HECA: variants seen among roughly 807,000 people sequenced by gnomAD.
HECA encodes the protein HECA ribonucleoprotein granule regulator.
Under a neutral mutation model 37.6 loss-of-function variants are expected in HECA, and 13 were observed. The observed-to-expected ratio is 0.35, with a 90% CI of 0.23 to 0.55. The LOEUF (loss-of-function observed/expected upper bound fraction) is 0.55. Among genes scored for constraint, HECA ranks in the 20% least tolerant of loss-of-function variants. The pLI is 0.90. For synonymous variants in HECA, 307 were observed against 291.5 expected, an observed-to-expected ratio of 1.05 and a Z score of -0.54; for missense variants, 527 against 701.9, an observed-to-expected ratio of 0.75 and a Z score of 2.82.
chr6:139,139,440 C>T (rs535450216), intron 1 of HECA, among the ~76,000 whole-genome samples: 1 of 152,272 alleles, frequency 6.6e-6, no homozygotes, highest in Admixed American at 6.5e-5. Flanking sequence ...CTTACAGTAC[C>T]AGCTTACGAA....
intron 1 of HECA, among the ~76,000 whole-genome samples, chr6:139,147,125 C>G (rs2114443127): frequency 6.6e-6 from 1 of 152,262 alleles, no homozygotes. Context: ...TCCCTTCTTG[C>G]AGAAAAGGCT....
At position 139,167,305 on chromosome 6, in the gene HECA, T is replaced by C; in HGVS notation, c.1293T>C (p.Asp431=). The change falls in exon 2 of 4, where the codon GAT becomes GAC. Residue 431 remains aspartate, a synonymous_variant. Coordinates refer to ENST00000367658, the MANE Select transcript of HECA (RefSeq NM_016217.3). The stretch of plus-strand genomic sequence containing the variant: ...CGAGACATGATGAGATCGAATATGA[T>C]GTTCCTTGTCACCTTCAAGGTATAG... ...SPSRHDEIEY[D]VPCHLQGRLM... 1.3e-6 allele frequency: 2 copies of C among 1,597,470 alleles called. No individual in the cohort carries two copies. The highest frequency in any genetic ancestry group is 1.7e-6 in the Non-Finnish European group (2 of 1,166,482).
At chr6:139,142,028 G>A (rs6570312) in intron 1 of HECA, among the ~76,000 whole-genome samples, 80,766 of 147,732 alleles carry the variant, frequency 0.55, 22,638 homozygotes, top group Non-Finnish European at 0.58. Context: ...CTGGGTTCAC[G>A]CCATTCTCCT....
intron 1 of HECA, among the ~76,000 whole-genome samples, chr6:139,158,151 G>C (rs1014412823): frequency 6.6e-6 from 1 of 151,922 alleles, no homozygotes; most frequent in African/African-American, 2.4e-5. Context: ...AAGCCCAGGA[G>C]TTCAAGACCA....
intron 1 of HECA, among the ~76,000 whole-genome samples, chr6:139,158,219 G>A (rs530109070): frequency 5.9e-5 from 9 of 151,850 alleles, no homozygotes; most frequent in South Asian, 4.2e-4. Context: ...AAAGTCAGCT[G>A]GGGCTGGGCT....
intron 1 of HECA, among the ~76,000 whole-genome samples, chr6:139,142,337 G>C (rs1042197782): frequency 6.6e-6 from 1 of 152,100 alleles, no homozygotes; most frequent in Non-Finnish European, 1.5e-5. Context: ...CATGTACTTA[G>C]GAAAAATTCT....
intron 1 of HECA, among the ~76,000 whole-genome samples, chr6:139,141,912 C>A (rs1041586956): frequency 2.7e-5 from 4 of 145,464 alleles, no homozygotes; most frequent in African/African-American, 1.0e-4. Context: ...GCCACCATGC[C>A]CAGCTAATTT....
chr6:139,148,154 C>G (rs1319779663), intron 1 of HECA, among the ~76,000 whole-genome samples: 2 of 152,098 alleles, frequency 1.3e-5, no homozygotes, highest in Non-Finnish European at 2.9e-5. Context: ...CTGATTTTCA[C>G]AAAGTGTTTG....
rs565228659 is a variant in HECA, at chr6:139,171,686, G to A, written c.1313-2699G>A. 4.6e-5 allele frequency among the ~76,000 whole-genome samples: 7 copies of A among 152,048 alleles called. No homozygotes were observed. In the South Asian group the frequency reaches 6.2e-4, roughly 14 times the overall value. On this transcript the variant is annotated intron_variant, in intron 2 of 3. Coordinates refer to ENST00000367658, the MANE Select transcript of HECA (RefSeq NM_016217.3). ...TCACCCTGGCTGGCTGGAAAGCAGC[G>A]GAGTGATCATAGCTACTGCAGCCTT... is the stretch of plus-strand genomic sequence containing the variant.
chr6:139,135,749 G>A (rs1414861525), intron 1 of HECA, 82 bp downstream of exon 1: 4 of 576,196 alleles, frequency 6.9e-6, no homozygotes, highest in Non-Finnish European at 8.8e-6. Flanking sequence ...TGGCGCGGGC[G>A]GTGCGTGGAC....
At chr6:139,148,142 T>C (rs1774607837) in intron 1 of HECA, among the ~76,000 whole-genome samples, 1 of 152,238 alleles carries the variant, frequency 6.6e-6, no homozygotes, top group South Asian at 2.1e-4. Context: ...TTTGTGTTCT[T>C]ACTGATTTTC....
At chr6:139,175,609 C>T (rs996341709) in intron 3 of HECA, among the ~76,000 whole-genome samples, 6 of 152,150 alleles carry the variant, frequency 3.9e-5, no homozygotes, top group Non-Finnish European at 8.8e-5. Context: ...AAGATTAGCA[C>T]TGGAAAGGAC....
At chr6:139,161,571 T>C (rs1352352676) in intron 1 of HECA, among the ~76,000 whole-genome samples, 1 of 152,248 alleles carries the variant, frequency 6.6e-6, no homozygotes, top group Non-Finnish European at 1.5e-5. Context: ...AAGTGCTCAG[T>C]ATTGGTTAAA....
chr6:139,141,042 G>A (rs988755851), intron 1 of HECA, among the ~76,000 whole-genome samples: 4 of 152,140 alleles, frequency 2.6e-5, no homozygotes, highest in African/African-American at 9.7e-5. Context: ...CGCCCACCTC[G>A]GCCTCCCAAA....
chr6:139,166,223 A>G (rs769546657), intron 1 of HECA, 61 bp from the exon 2 acceptor site: 121 of 1,319,478 alleles, frequency 9.2e-5, no homozygotes, highest in Non-Finnish European at 1.2e-4. Flanking sequence ...TGTTGCAAGT[A>G]CAGGTTGAGT....
chr6:139,135,735 T>C, intron 1 of HECA, 68 bp downstream of exon 1: 1 of 701,028 alleles, frequency 1.4e-6, no homozygotes, highest in Non-Finnish European at 1.8e-6. Context: ...GGCGGGGCCC[T>C]GGGTGGCGCG....
intron 1 of HECA, among the ~76,000 whole-genome samples, chr6:139,142,129 C>T (rs1490852602): frequency 1.3e-5 from 2 of 151,872 alleles, no homozygotes; most frequent in African/African-American, 2.4e-5. Context: ...GGTTTCACCA[C>T]GTTAGTCAGG....
chr6:139,165,833 G>A (rs1774876092), intron 1 of HECA, among the ~76,000 whole-genome samples: 1 of 152,102 alleles, frequency 6.6e-6, no homozygotes, highest in Non-Finnish European at 1.5e-5. Flanking sequence ...ATGTACTTAA[G>A]ATAGAGTACA....
intron 1 of HECA, among the ~76,000 whole-genome samples, chr6:139,142,417 C>T (rs1774524938): frequency 6.6e-6 from 1 of 151,972 alleles, no homozygotes; most frequent in Admixed American, 6.6e-5. Context: ...GACAGATTGC[C>T]CTATTGAAAG....
Sources: gnomAD v4.1 joint callset for allele counts (sites outside exome capture counted in the v4.1 genomes callset) on GRCh38, gnomAD v4.1.1 for gene constraint, MANE v1.5 for transcripts, NCBI Gene and HGNC (gene_info 2026-07-23, HGNC 2026-07-21) for gene names.